The following ATRNL1 variants were observed in gnomAD, a reference collection of about 807,000 sequenced individuals.
ATRNL1 encodes the protein attractin like 1.
ATRNL1 carries 95 observed loss-of-function variants against 182.7 expected under a neutral mutation model. The ratio of observed to expected loss-of-function variants is 0.52; its 90% CI spans 0.44 to 0.62. The LOEUF (loss-of-function observed/expected upper bound fraction) is 0.62. ATRNL1 is among the 20% of genes least tolerant of loss of function. The pLI is 0.00. For missense variants in ATRNL1, 1,471 were observed against 1,679.5 expected (o/e 0.88, Z 2.17); for synonymous variants, 576 against 568.3 (o/e 1.01, Z -0.19).
intron 11 of ATRNL1, among the ~76,000 whole-genome samples, chr10:115,266,095 A>C (rs1226470215): frequency 1.3e-5 from 2 of 151,844 alleles, no homozygotes; most frequent in African/African-American, 4.8e-5. Flanking sequence ...TACTTTTTTA[A>C]AATAATAAAA....
chr10:115,582,689 G>A (rs1232414669), intron 26 of ATRNL1, among the ~76,000 whole-genome samples: 13 of 148,946 alleles, frequency 8.7e-5, no homozygotes, highest in African/African-American at 3.2e-4. Context: ...CTCCCATTTT[G>A]TAGGCTGCCT....
chr10:115,940,995 C>T (rs1416750938), intron 28 of ATRNL1, among the ~76,000 whole-genome samples: 1 of 152,094 alleles, frequency 6.6e-6, no homozygotes, highest in Non-Finnish European at 1.5e-5. Flanking sequence ...GGCCACAAGC[C>T]GTGGGGTCCA....
intron 26 of ATRNL1, among the ~76,000 whole-genome samples, chr10:115,561,690 G>GTGTGTGT (rs1853734733): frequency 1.1e-3 from 58 of 50,502 alleles, no homozygotes; most frequent in Non-Finnish European, 2.1e-3. Flanking sequence ...TGTGTGTGTG[G>GTGTGTGT]GTGTGTGTGT....
intron 26 of ATRNL1, among the ~76,000 whole-genome samples, chr10:115,681,327 G>A (rs546003179): frequency 6.6e-6 from 1 of 152,154 alleles, no homozygotes; most frequent in East Asian, 1.9e-4. Flanking sequence ...TAATAATAAT[G>A]CTATTCATTG....
At chr10:115,824,920 A>G (rs1950393020) in intron 27 of ATRNL1, among the ~76,000 whole-genome samples, 1 of 152,216 alleles carries the variant, frequency 6.6e-6, no homozygotes, top group Non-Finnish European at 1.5e-5. Context: ...AAATCATTCT[A>G]CTATAAAGAT....
intron 21 of ATRNL1, among the ~76,000 whole-genome samples, chr10:115,455,119 C>T (rs1554968449): frequency 6.6e-6 from 1 of 152,076 alleles, no homozygotes; most frequent in African/African-American, 2.4e-5. Context: ...TGAACTTTGC[C>T]AGATGTTTTT....
chr10:115,164,302 A>T (rs1360927519), intron 6 of ATRNL1, among the ~76,000 whole-genome samples: 1 of 152,170 alleles, frequency 6.6e-6, no homozygotes, highest in Non-Finnish European at 1.5e-5. Context: ...GTCTTAAAAA[A>T]TTATCAGTAA....
At chr10:115,562,560 C>T (rs1203481653) in intron 26 of ATRNL1, among the ~76,000 whole-genome samples, 1 of 152,114 alleles carries the variant, frequency 6.6e-6, no homozygotes, top group South Asian at 2.1e-4. Flanking sequence ...CCATAATTCC[C>T]CCATGTCATG....
At chr10:115,550,315 T>C (rs1852893664) in intron 26 of ATRNL1, among the ~76,000 whole-genome samples, 1 of 151,820 alleles carries the variant, frequency 6.6e-6, no homozygotes, top group Non-Finnish European at 1.5e-5. Context: ...CATTTCTCCA[T>C]ATATTTCTAT....
At chr10:115,365,732 G>T (rs1394660090) in intron 19 of ATRNL1, among the ~76,000 whole-genome samples, 2 of 151,752 alleles carry the variant, frequency 1.3e-5, no homozygotes, top group Non-Finnish European at 2.9e-5. Flanking sequence ...CTTTGTTCTC[G>T]TTGGTTTCAA....
At chr10:115,182,008 T>C (rs1056355046) in intron 8 of ATRNL1, among the ~76,000 whole-genome samples, 7 of 151,710 alleles carry the variant, frequency 4.6e-5, no homozygotes, top group East Asian at 3.9e-4. Flanking sequence ...TCTCAGACTA[T>C]GGATCTTCAG....
chr10:115,893,302 G>T (rs966409023), intron 28 of ATRNL1, among the ~76,000 whole-genome samples: 11 of 152,154 alleles, frequency 7.2e-5, no homozygotes, highest in African/African-American at 2.7e-4. Flanking sequence ...ATAGTCTATC[G>T]CTGGGAAGGA....
At chr10:115,528,023 TTCCC>T (rs1217995002) in intron 25 of ATRNL1, among the ~76,000 whole-genome samples, 658 of 50,606 alleles carry the variant, frequency 0.013, 16 homozygotes, top group African/African-American at 0.044. Flanking sequence ...CCTTCCTTCC[TTCCC>T]TCCTTCCTTT....
chr10:115,772,032 T>A (rs1241792258), intron 27 of ATRNL1, among the ~76,000 whole-genome samples: 3 of 152,228 alleles, frequency 2.0e-5, no homozygotes, highest in African/African-American at 7.2e-5. Flanking sequence ...AGTTGTACTT[T>A]AAGTCAGGAT....
rs1565492330 is a variant in ATRNL1, at chr10:115,925,184, C to T, written c.4019-19474C>T. 2.6e-5 allele frequency among the ~76,000 whole-genome samples: 4 copies of T among 152,112 alleles called. No individual in the cohort carries two copies. The South Asian group carries it at 8.3e-4, about 32-fold the overall frequency. ...GGGCTTTCTAAATATAAAATCATGT[C>T]CTCTGCAAACAGAGACAATTTTACT... On this transcript the variant is annotated intron_variant, in intron 28 of 28. Coordinates refer to ENST00000355044, the MANE Select transcript of ATRNL1 (RefSeq NM_207303.4).
intron 8 of ATRNL1, among the ~76,000 whole-genome samples, chr10:115,189,847 AC>A (rs1256248042): frequency 4.6e-5 from 7 of 152,224 alleles, no homozygotes; most frequent in Admixed American, 6.6e-5. Flanking sequence ...CTCACCACTT[AC>A]CCACTGACTC....
chr10:115,817,665 A>G (rs781959344), intron 27 of ATRNL1, among the ~76,000 whole-genome samples: 4 of 152,128 alleles, frequency 2.6e-5, no homozygotes, highest in Admixed American at 6.6e-5. Context: ...TTTCACTAGT[A>G]AAAATAAATC....
intron 19 of ATRNL1, among the ~76,000 whole-genome samples, chr10:115,353,219 A>G (rs1424549893): frequency 1.4e-4 from 21 of 152,112 alleles, no homozygotes; most frequent in Admixed American, 9.8e-4. Flanking sequence ...AGGTCTAGTA[A>G]TGTTTGCTTT....
intron 27 of ATRNL1, among the ~76,000 whole-genome samples, chr10:115,764,461 A>T (rs1467760469): frequency 1.3e-5 from 2 of 152,094 alleles, no homozygotes; most frequent in Non-Finnish European, 2.9e-5. Context: ...TACTCTGCCT[A>T]TGCGTCCCCA....
Sources: gnomAD v4.1 joint callset for allele counts (sites outside exome capture counted in the v4.1 genomes callset) on GRCh38, gnomAD v4.1.1 for gene constraint, MANE v1.5 for transcripts, NCBI Gene and HGNC (gene_info 2026-07-23, HGNC 2026-07-21) for gene names.